NUDCD1: variants seen among roughly 807,000 people sequenced by gnomAD.
The protein encoded by NUDCD1 is NudC domain containing 1.
NUDCD1 carries 60 observed loss-of-function variants against 67.8 expected under a neutral mutation model. The ratio of observed to expected loss-of-function variants is 0.88; its 90% CI spans 0.72 to 1.10. The LOEUF (loss-of-function observed/expected upper bound fraction) is 1.10. Ranked by LOEUF, NUDCD1 falls within the 50% of genes least tolerant of loss-of-function variation. The probability of loss-of-function intolerance (pLI) is 0.00; values close to 1 mark genes in which losing one functional copy is unlikely to be tolerated. For missense variants in NUDCD1, 643 were observed against 695.0 expected (o/e 0.93, Z 0.84); for synonymous variants, 244 against 230.8 (o/e 1.06, Z -0.52).
intron 7 of NUDCD1, among the ~76,000 whole-genome samples, chr8:109,272,211 T>C (rs1193998934): frequency 1.3e-5 from 2 of 152,084 alleles, no homozygotes; most frequent in South Asian, 2.1e-4. Context: ...AATAACAAGG[T>C]ATTATTAATT....
At chr8:109,253,841 T>C (rs16879261) in intron 8 of NUDCD1, among the ~76,000 whole-genome samples, 19,483 of 151,906 alleles carry the variant, frequency 0.13, 1,318 homozygotes, top group Middle Eastern at 0.25. Context: ...AATATCAATA[T>C]GAGAAAAAGA....
At chr8:109,262,888 T>A (rs182193158) in intron 8 of NUDCD1, among the ~76,000 whole-genome samples, 1 of 151,670 alleles carries the variant, frequency 6.6e-6, no homozygotes, top group Admixed American at 6.6e-5. Context: ...ACCTTGTCCC[T>A]ACTAAAAATA....
intron 5 of NUDCD1, among the ~76,000 whole-genome samples, chr8:109,286,421 C>CA (rs1192141429): frequency 4.0e-5 from 6 of 151,624 alleles, no homozygotes; most frequent in African/African-American, 1.2e-4. Context: ...CTACAGTAAC[C>CA]AAAAAAAGTA....
In NUDCD1 at chr8:109,293,504, A is replaced by T; in HGVS notation, c.480T>A (p.Leu160=). 6.5e-7 allele frequency: 1 copy of T among 1,550,082 alleles called. No homozygotes were observed. The highest frequency in any genetic ancestry group is 8.7e-7 in the Non-Finnish European group (1 of 1,152,372). The part of the protein sequence containing the change: ...EKWEIMFNEE[L]GDPFIIIHSI... ...TGTGAATTATAATAAAAGGATCCCC[A>T]AGTTCTTCATTAAACATAATCTACA... Residue 160 remains leucine, a synonymous_variant, in exon 4 of 10, where the codon CTT becomes CTA. Transcript: ENST00000239690.
At chr8:109,327,565 A>G (rs1279161919) in intron 1 of NUDCD1, among the ~76,000 whole-genome samples, 4 of 152,144 alleles carry the variant, frequency 2.6e-5, no homozygotes, top group Non-Finnish European at 5.9e-5. Flanking sequence ...TTCCTCATCT[A>G]TAATAAAGGT....
At chr8:109,283,999 AAAAAAAAAC>A (rs1238673252) in intron 5 of NUDCD1, among the ~76,000 whole-genome samples, 9 of 150,798 alleles carry the variant, frequency 6.0e-5, no homozygotes, top group Admixed American at 1.3e-4. Flanking sequence ...TAAAAAAAAA[AAAAAAAAAC>A]AAAACAAAAA....
At chr8:109,268,507 TATC>T (rs1452092107) in intron 8 of NUDCD1, among the ~76,000 whole-genome samples, 1 of 152,146 alleles carries the variant, frequency 6.6e-6, no homozygotes, top group Non-Finnish European at 1.5e-5. Flanking sequence ...TGAAGAAAGG[TATC>T]ATAAACTGGG....
chr8:109,271,126 G>A lies in NUDCD1; in HGVS notation c.1178C>T (p.Pro393Leu). Residue 393 changes from proline (P) to leucine (L), a missense_variant, in exon 8 of 10, where the codon CCA becomes CTA. Physicochemically the swap from Pro to Leu is moderately conservative, Grantham distance 98. Transcript: ENST00000239690. The part of the protein sequence containing the change: ...LMHLTSEELN[P>L]NPDKEKPPCN... Reference sequence around the variant, plus strand: ...AGGTGGTTTTTCTTTATCTGGATTTGGATTCTTAGTCCAGAAAATAAAATA... The same window carrying A: ...AGGTGGTTTTTCTTTATCTGGATTTAGATTCTTAGTCCAGAAAATAAAATA... 1 of 1,541,694 alleles carries A rather than the reference G, an allele frequency of 6.5e-7. No individual in the cohort carries two copies. Among genetic ancestry groups the A allele is most frequent in the Non-Finnish European group, 8.8e-7 (1 of 1,133,880 alleles).
At chr8:109,285,029 T>C (rs901871682) in intron 5 of NUDCD1, among the ~76,000 whole-genome samples, 3 of 151,442 alleles carry the variant, frequency 2.0e-5, no homozygotes, top group Admixed American at 6.6e-5. Context: ...CAGAGACTAT[T>C]ATGAAGCCCT....
chr8:109,281,175 A>T lies in NUDCD1; in HGVS notation c.824-3T>A. On this transcript the variant is annotated splice_region_variant and splice_polypyrimidine_tract_variant and intron_variant, in intron 5 of 9. Coordinates refer to ENST00000239690, the MANE Select transcript of NUDCD1 (RefSeq NM_032869.4). ...CTGTTGCCAGTAATACAGAGGTTCTATTGGGAAAAGAAAAATGCATCATGT... is the reference window on the plus strand; with the variant it reads ...CTGTTGCCAGTAATACAGAGGTTCTTTTGGGAAAAGAAAAATGCATCATGT... 1 of 1,599,300 alleles carries T rather than the reference A, an allele frequency of 6.3e-7. No individual in the cohort carries two copies. The highest frequency in any genetic ancestry group is 8.5e-7 in the Non-Finnish European group (1 of 1,170,082).
intron 9 of NUDCD1, 58 bp from the exon 10 acceptor site, chr8:109,243,359 A>G: frequency 7.4e-7 from 1 of 1,351,998 alleles, no homozygotes; most frequent in Non-Finnish European, 1.0e-6. Flanking sequence ...AAGGGGAAAA[A>G]TGATGATTTA....
chr8:109,267,173 T>C (rs926654224), intron 8 of NUDCD1, among the ~76,000 whole-genome samples: 3 of 152,176 alleles, frequency 2.0e-5, no homozygotes, highest in African/African-American at 7.2e-5. Flanking sequence ...GTTTGCTACA[T>C]AGGTAAATTG....
chr8:109,279,255 C>CT (rs1814372377), intron 6 of NUDCD1, among the ~76,000 whole-genome samples: 2 of 152,286 alleles, frequency 1.3e-5, no homozygotes, highest in African/African-American at 2.4e-5. Context: ...GAATGAGTTG[C>CT]TGGTGCCCCA....
chr8:109,256,291 C>G (rs914996678), intron 8 of NUDCD1, among the ~76,000 whole-genome samples: 13 of 152,292 alleles, frequency 8.5e-5, no homozygotes, highest in African/African-American at 3.1e-4. Context: ...TTCTTTTAAA[C>G]TATGTCTCCA....
intron 2 of NUDCD1, among the ~76,000 whole-genome samples, chr8:109,306,499 G>C (rs958730940): frequency 1.3e-5 from 2 of 151,926 alleles, no homozygotes; most frequent in Non-Finnish European, 2.9e-5. Flanking sequence ...AAAAAAAAGT[G>C]GGAATCTGTA....
intron 4 of NUDCD1, among the ~76,000 whole-genome samples, chr8:109,292,121 T>A (rs1051078445): frequency 6.6e-6 from 1 of 151,998 alleles, no homozygotes; most frequent in African/African-American, 2.4e-5. Context: ...CAAAAAAACA[T>A]AAAATTCAAA....
chr8:109,282,951 A>C (rs1232931849), intron 5 of NUDCD1, among the ~76,000 whole-genome samples: 1 of 152,212 alleles, frequency 6.6e-6, no homozygotes, highest in African/African-American at 2.4e-5. Context: ...CCTTAACCAA[A>C]ATAGACACTC....
intron 1 of NUDCD1, among the ~76,000 whole-genome samples, chr8:109,328,505 A>C (rs571240295): frequency 8.5e-5 from 13 of 152,284 alleles, no homozygotes; most frequent in Admixed American, 3.3e-4. Context: ...GTGTTTGAGG[A>C]GATTACCCCA....
intron 8 of NUDCD1, among the ~76,000 whole-genome samples, chr8:109,260,361 A>AT (rs1203857543): frequency 4.0e-5 from 6 of 151,822 alleles, no homozygotes; most frequent in African/African-American, 7.3e-5. Flanking sequence ...CACCTGGCAA[A>AT]TTTTTTTGTA....
Sources: allele counts gnomAD v4.1 joint callset (sites outside exome capture counted in the v4.1 genomes callset), GRCh38; gene constraint gnomAD v4.1.1; transcripts MANE v1.5; gene names NCBI Gene and HGNC (gene_info 2026-07-23, HGNC 2026-07-21).